The following CPD variants were observed in gnomAD, a reference collection of about 807,000 sequenced individuals.
CPD encodes the protein carboxypeptidase D.
In CPD, 69 loss-of-function variants were observed where a neutral mutation model predicts 138.3. That is an observed-to-expected ratio of 0.50 (90% confidence interval 0.41 to 0.61). The LOEUF is 0.61. CPD is among the 20% of genes least tolerant of loss of function. The pLI is 0.00. For missense variants in CPD, 1,432 were observed against 1,733.3 expected, an observed-to-expected ratio of 0.83 and a Z score of 3.09; for synonymous variants, 651 against 642.1, an observed-to-expected ratio of 1.01 and a Z score of -0.21.
chr17:30,420,133 A>G (rs1431303988), intron 2 of CPD, among the ~76,000 whole-genome samples: 1 of 152,228 alleles, frequency 6.6e-6, no homozygotes, highest in Non-Finnish European at 1.5e-5. Context: ...GTGTGGGCTT[A>G]TATAGGTATA....
rs1036847266 is a variant in CPD, at chr17:30,466,465, G to A, written c.*1651G>A. 3 of 152,586 alleles carry A rather than the reference G, an allele frequency of 2.0e-5. No homozygotes were observed. Among genetic ancestry groups the A allele is most frequent in the Admixed American group, 6.5e-5 (1 of 15,272 alleles). The allele number at this position is 152,586 out of a possible 1,614,324, so 9.5% of individuals were successfully genotyped here. The stretch of plus-strand genomic sequence containing the variant: ...GTTAATAAGTATCTGTGATAAATCC[G>A]TGGTTCAAGGTTAAGCCATTCTGGT... On this transcript the variant is annotated 3_prime_UTR_variant, in exon 21 of 21. Transcript: ENST00000225719.
chr17:30,458,923 T>C (rs538758472), intron 17 of CPD, among the ~76,000 whole-genome samples: 1 of 151,640 alleles, frequency 6.6e-6, no homozygotes, highest in South Asian at 2.1e-4. Context: ...ATTTCAGTCA[T>C]TGATGCAGTT....
chr17:30,379,686 C>G lies in CPD; in HGVS notation c.706C>G (p.Pro236Ala). The G allele has an allele frequency of 6.6e-7, 1 of 1,517,618 alleles. No individual in the cohort carries two copies. Among genetic ancestry groups the G allele is most frequent in the Non-Finnish European group, 8.7e-7 (1 of 1,150,466 alleles). The allele number at this position is 1,517,618 out of a possible 1,614,324, so 94.0% of individuals were successfully genotyped here. Reference protein sequence around the residue: ...TGEPPALDEVPEVRALIEWIR... With the variant: ...TGEPPALDEVAEVRALIEWIR... ...CGAACCCCCCGCCCTGGACGAGGTG[C>G]CCGAGGTGCGCGCCCTCATCGAGTG... is the stretch of plus-strand genomic sequence containing the variant. Residue 236 changes from proline to alanine, a missense_variant, in exon 1 of 21, where the codon CCC (proline) becomes GCC (alanine). Physicochemically the swap from Pro to Ala is conservative, Grantham distance 27 (BLOSUM62 -1). Coordinates refer to ENST00000225719, the MANE Select transcript of CPD (RefSeq NM_001304.5). The surrounding 1 kb of genome is among the most constrained non-coding windows in gnomAD (Gnocchi z 7.0).
chr17:30,432,015 A>G, intron 8 of CPD, 134 bp downstream of exon 8: 1 of 637,680 alleles, frequency 1.6e-6, no homozygotes, highest in East Asian at 2.8e-5. Context: ...GTTTCCGAAA[A>G]ATAGCTTTTT....
At chr17:30,445,620 A>C in intron 11 of CPD, 71 bp from the exon 12 acceptor site, 4 of 1,114,312 alleles carry the variant, frequency 3.6e-6, no homozygotes, top group Non-Finnish European at 5.1e-6. Context: ...CGTTCTCTGC[A>C]CACCTGCCTT....
intron 10 of CPD, 85 bp downstream of exon 10, chr17:30,442,535 T>G: frequency 8.0e-7 from 1 of 1,254,188 alleles, no homozygotes; most frequent in African/African-American, 1.5e-5. Context: ...GCAGTGATTT[T>G]GGAATACACT....
chr17:30,419,716 T>A (rs552689361), intron 2 of CPD, among the ~76,000 whole-genome samples: 3 of 152,310 alleles, frequency 2.0e-5, no homozygotes, highest in East Asian at 3.9e-4. Context: ...AACATTCACT[T>A]TGCATATAAA....
chr17:30,421,289 A>G (rs1433129838), intron 3 of CPD, among the ~76,000 whole-genome samples: 2 of 152,172 alleles, frequency 1.3e-5, no homozygotes, highest in African/African-American at 4.8e-5. Context: ...TTACAATGTC[A>G]TGTGATCATA....
intron 2 of CPD, among the ~76,000 whole-genome samples, chr17:30,408,427 TC>T (rs1161010042): frequency 4.6e-5 from 7 of 152,256 alleles, no homozygotes; most frequent in Admixed American, 1.3e-4. Context: ...TATTGATTCT[TC>T]CTATCCATGA....
intron 11 of CPD, among the ~76,000 whole-genome samples, chr17:30,445,016 T>A (rs1912989228): frequency 6.6e-6 from 1 of 151,838 alleles, no homozygotes; most frequent in Non-Finnish European, 1.5e-5. Flanking sequence ...AGAAACAGGG[T>A]GAGAAGGATG....
chr17:30,415,133 T>C (rs1489462605), intron 2 of CPD, among the ~76,000 whole-genome samples: 1 of 152,220 alleles, frequency 6.6e-6, no homozygotes, highest in Non-Finnish European at 1.5e-5. Context: ...CTCCCTGATT[T>C]CTCAAGCCTA....
chr17:30,461,269 G>A lies in CPD; in HGVS notation c.3588G>A (p.Leu1196=). 1.9e-6 allele frequency: 3 copies of A among 1,611,372 alleles called. No individual in the cohort carries two copies. Among genetic ancestry groups the A allele is most frequent in the Non-Finnish European group, 2.5e-6 (3 of 1,178,838 alleles). Residue 1196 remains leucine (L), a synonymous_variant, in exon 18 of 21, where the codon TTG becomes TTA. Transcript: ENST00000225719. ...YFPSAARLPS[L]WADNKRSLLS... ...CTAGTGCTGCACGACTCCCTTCCTT[G>A]TGGGCAGACAATAAGAGATCTCTTC...
chr17:30,379,813 T>C lies in CPD; in HGVS notation c.746+87T>C. 3.1e-6 allele frequency: 3 copies of C among 963,180 alleles called. No homozygotes were observed. Among genetic ancestry groups the C allele is most frequent in the Non-Finnish European group, 4.2e-6 (3 of 711,076 alleles). 59.7% of individuals were successfully genotyped at this position (963,180 alleles called of 1,614,324 possible). Reference sequence around the variant, plus strand: ...CACCCAGTAGGCGCTCAGACAATGCTGGCATAAGGGGTGGCGGTGGTGAAG... The same window carrying C: ...CACCCAGTAGGCGCTCAGACAATGCCGGCATAAGGGGTGGCGGTGGTGAAG... On this transcript the variant is annotated intron_variant, in intron 1 of 20. Coordinates refer to ENST00000225719, the MANE Select transcript of CPD (RefSeq NM_001304.5). This position sits in a 1 kb window ranked among gnomAD's most constrained non-coding sequence, Gnocchi z 7.0.
intron 2 of CPD, among the ~76,000 whole-genome samples, chr17:30,401,318 CTCCTCTTCTTCCTCTTCCTCTTCT>C (rs1307063438): frequency 6.7e-6 from 1 of 150,256 alleles, no homozygotes; most frequent in Non-Finnish European, 1.5e-5. Context: ...CTTCCTCTTC[CTCCTCTTCTTCCTCTTCCTCTTCT>C]TCCTCCTCTT....
chr17:30,426,999 G>A (rs1486818543), intron 6 of CPD, among the ~76,000 whole-genome samples: 1 of 152,016 alleles, frequency 6.6e-6, no homozygotes, highest in Non-Finnish European at 1.5e-5. Context: ...TGGCCAACAT[G>A]GTGAAACCCC....
chr17:30,422,646 C>T (rs1912295952), intron 4 of CPD, 28 bp from the exon 5 acceptor site: 1 of 1,471,316 alleles, frequency 6.8e-7, no homozygotes, highest in Non-Finnish European at 9.3e-7. Context: ...AACTATAAAC[C>T]ATTTACTTTT....
intron 2 of CPD, among the ~76,000 whole-genome samples, chr17:30,388,959 C>T (rs1911271061): frequency 6.6e-6 from 1 of 152,182 alleles, no homozygotes; most frequent in Admixed American, 6.5e-5. Context: ...AACCCGGGAC[C>T]CTTAGTGGGG....
chr17:30,417,292 C>A (rs764672362), intron 2 of CPD, among the ~76,000 whole-genome samples: 6 of 151,904 alleles, frequency 3.9e-5, no homozygotes, highest in Non-Finnish European at 7.4e-5. Flanking sequence ...TCACCATATC[C>A]CCAAGCACCT....
chr17:30,438,107 G>C (rs914850179), intron 8 of CPD, among the ~76,000 whole-genome samples: 3 of 146,268 alleles, frequency 2.1e-5, no homozygotes, highest in African/African-American at 5.1e-5. Flanking sequence ...GCCTCCCAAA[G>C]TGTTGGGATT....
Sources: gnomAD v4.1 joint callset for allele counts (sites outside exome capture counted in the v4.1 genomes callset) on GRCh38, gnomAD v4.1.1 for gene constraint, Gnocchi (gnomAD v3.1) non-coding constraint, MANE v1.5 for transcripts, NCBI Gene and HGNC (gene_info 2026-07-23, HGNC 2026-07-21) for gene names.